AP2B1: variants seen among roughly 807,000 people sequenced by gnomAD.
The protein encoded by AP2B1 is adaptor related protein complex 2 subunit beta 1, also known as AP-2 complex subunit beta.
In AP2B1, 23 loss-of-function variants were observed where a neutral mutation model predicts 102.0. The observed-to-expected ratio is 0.23, with a 90% CI of 0.16 to 0.32. The LOEUF (loss-of-function observed/expected upper bound fraction) is 0.32. Ranked by LOEUF, AP2B1 falls within the 10% of genes least tolerant of loss-of-function variation. The pLI, the probability that AP2B1 is intolerant of heterozygous loss-of-function variation, is 1.00. For missense variants in AP2B1, 541 were observed against 1,157.4 expected (o/e 0.47, Z 7.73); for synonymous variants, 381 against 421.2 (o/e 0.90, Z 1.17).
At chr17:35,646,584 TA>T (rs2074939101) in intron 12 of AP2B1, among the ~76,000 whole-genome samples, 1 of 146,074 alleles carries the variant, frequency 6.8e-6, no homozygotes, top group Non-Finnish European at 1.5e-5. Context: ...CATATATATA[TA>T]ATTTTTTTTT....
intron 12 of AP2B1, among the ~76,000 whole-genome samples, chr17:35,642,671 C>T (rs973905258): frequency 2.0e-5 from 3 of 152,014 alleles, no homozygotes; most frequent in African/African-American, 7.3e-5. Flanking sequence ...GTCAGAGTTA[C>T]GATGTGTGTC....
chr17:35,610,838 C>T (rs1207090848), intron 5 of AP2B1, among the ~76,000 whole-genome samples: 1 of 149,418 alleles, frequency 6.7e-6, no homozygotes, highest in Non-Finnish European at 1.5e-5. Flanking sequence ...ACCCAGGAGG[C>T]GGAGCTTGCA....
At chr17:35,684,620 A>G (rs2142994448) in intron 18 of AP2B1, among the ~76,000 whole-genome samples, 1 of 152,332 alleles carries the variant, frequency 6.6e-6, no homozygotes, top group South Asian at 2.1e-4. Flanking sequence ...CAAGAAGAAT[A>G]AAGCAAGGAT....
At chr17:35,651,834 G>A (rs149357605) in intron 13 of AP2B1, among the ~76,000 whole-genome samples, 214 of 152,296 alleles carry the variant, frequency 1.4e-3, no homozygotes, top group Non-Finnish European at 2.2e-3. Flanking sequence ...ATAAGGATTA[G>A]TCTTTATAGT....
intron 5 of AP2B1, among the ~76,000 whole-genome samples, chr17:35,621,868 G>GT (rs1487242831): frequency 5.3e-5 from 8 of 151,402 alleles, no homozygotes; most frequent in Non-Finnish European, 1.2e-4. Context: ...TAATCTTTTT[G>GT]TTTTTTTAAA....
chr17:35,627,839 A>G (rs1017888605), intron 9 of AP2B1, 113 bp downstream of exon 9: 26 of 853,148 alleles, frequency 3.0e-5, no homozygotes, highest in Non-Finnish European at 4.5e-5. Context: ...CACAGTTTCA[A>G]TGTTAAAGAA....
chr17:35,663,911 CA>C (rs2075408028), intron 14 of AP2B1, among the ~76,000 whole-genome samples: 1 of 152,158 alleles, frequency 6.6e-6, no homozygotes, highest in African/African-American at 2.4e-5. Context: ...ACCTTTCTTG[CA>C]GCAAGAGGAA....
At chr17:35,671,383 T>C (rs1348022412) in intron 15 of AP2B1, among the ~76,000 whole-genome samples, 5 of 152,218 alleles carry the variant, frequency 3.3e-5, no homozygotes, top group Non-Finnish European at 7.3e-5. Flanking sequence ...ATGGAACTGC[T>C]GTTTAAGTTG....
chr17:35,690,285 A>G (rs1227726570), intron 18 of AP2B1, among the ~76,000 whole-genome samples: 1 of 152,110 alleles, frequency 6.6e-6, no homozygotes, highest in Non-Finnish European at 1.5e-5. Context: ...TAGGATTTCC[A>G]TTTGATTTTT....
intron 10 of AP2B1, among the ~76,000 whole-genome samples, chr17:35,637,291 T>C (rs1481112605): frequency 1.3e-5 from 2 of 151,716 alleles, no homozygotes; most frequent in African/African-American, 4.8e-5. Flanking sequence ...TTCAAGTGAT[T>C]CTCCTGCCTC....
At chr17:35,671,987 TAATA>T (rs1214132263) in intron 16 of AP2B1, 87 bp downstream of exon 16, 1 of 1,469,328 alleles carries the variant, frequency 6.8e-7, no homozygotes. Flanking sequence ...CTTCTACTGG[TAATA>T]AATCAAAGGT....
chr17:35,645,761 A>C (rs1157379361), intron 12 of AP2B1, among the ~76,000 whole-genome samples: 2 of 152,198 alleles, frequency 1.3e-5, no homozygotes, highest in Non-Finnish European at 2.9e-5. Context: ...AGGCAGGAGA[A>C]TCACTTGAAC....
intron 18 of AP2B1, among the ~76,000 whole-genome samples, chr17:35,699,499 C>T (rs1290000194): frequency 6.6e-6 from 1 of 152,200 alleles, no homozygotes; most frequent in Non-Finnish European, 1.5e-5. Flanking sequence ...TGTAATACCC[C>T]TGATCTATTG....
intron 14 of AP2B1, among the ~76,000 whole-genome samples, chr17:35,667,960 CGG>C: frequency 8.4e-6 from 1 of 119,374 alleles, no homozygotes; most frequent in East Asian, 2.3e-4. Flanking sequence ...TTTTTTGAGA[CGG>C]AGTCTTGGTC....
chr17:35,633,652 C>T (rs985570596), intron 9 of AP2B1, among the ~76,000 whole-genome samples: 8 of 152,022 alleles, frequency 5.3e-5, no homozygotes, highest in Non-Finnish European at 8.8e-5. Context: ...GGGTGGGATG[C>T]GAATACAAAT....
chr17:35,693,019 G>T (rs1313302674), intron 18 of AP2B1, among the ~76,000 whole-genome samples: 1 of 151,762 alleles, frequency 6.6e-6, no homozygotes, highest in African/African-American at 2.4e-5. Flanking sequence ...CGGGGCGGTG[G>T]GGGGAGGGGC....
intron 6 of AP2B1, among the ~76,000 whole-genome samples, chr17:35,625,797 G>A (rs779551687): frequency 6.6e-6 from 1 of 151,986 alleles, no homozygotes; most frequent in Non-Finnish European, 1.5e-5. Flanking sequence ...TTAAAGGATG[G>A]CCAGGGAAGA....
chr17:35,608,285 A>C lies in AP2B1; in HGVS notation c.423A>C (p.Ala141=), dbSNP rs772681902. The change falls in exon 5 of 22, where the codon GCA becomes GCC. Residue 141 remains alanine, a synonymous_variant. Transcript: ENST00000610402. ...KDEDPYVRKT[A]AVCVAKLHDI... ...AGGATCCCTATGTTCGGAAAACAGCAGCAGTCTGCGTGGCAAAACTCCATG... is the reference window on the plus strand; with the variant it reads ...AGGATCCCTATGTTCGGAAAACAGCCGCAGTCTGCGTGGCAAAACTCCATG... 4 of 1,614,220 alleles carry C rather than the reference A, an allele frequency of 2.5e-6. No homozygotes were observed. The Admixed American group carries it at 6.7e-5, about 27-fold the overall frequency.
rs2085472918 is a variant in AP2B1 at position 35,723,852 on chromosome 17, A to G, written c.*153A>G. ...CTAACCTGTGCTAACATTAGGGCACAACCTGTTGGATAGTTTTAGCTTCCT... is the reference window on the plus strand; with the variant it reads ...CTAACCTGTGCTAACATTAGGGCACGACCTGTTGGATAGTTTTAGCTTCCT... On this transcript the variant is annotated 3_prime_UTR_variant, in exon 22 of 22. Transcript: ENST00000610402. The G allele has an allele frequency of 1.3e-5, 7 of 556,956 alleles. No homozygotes were observed. The South Asian group carries it at 1.8e-4, about 14-fold the overall frequency. 34.5% of individuals were successfully genotyped at this position (556,956 alleles called of 1,614,324 possible). A position where few individuals can be genotyped will look rare whatever the true frequency, so the allele number is the denominator to read the frequency against.
Sources: allele counts gnomAD v4.1 joint callset (sites outside exome capture counted in the v4.1 genomes callset), GRCh38; gene constraint gnomAD v4.1.1; transcripts MANE v1.5; gene names NCBI Gene and HGNC (gene_info 2026-07-23, HGNC 2026-07-21).